The following SLC26A5 variants were observed in gnomAD, a reference collection of about 807,000 sequenced individuals.
SLC26A5 encodes the protein prestin.
SLC26A5 carries 51 observed loss-of-function variants against 81.0 expected under a neutral mutation model. The ratio of observed to expected loss-of-function variants is 0.63; its 90% confidence interval spans 0.50 to 0.80. The LOEUF (loss-of-function observed/expected upper bound fraction) is 0.80. Ranked by LOEUF, SLC26A5 falls within the 30% of genes least tolerant of loss-of-function variation. The pLI, the probability that SLC26A5 is intolerant of heterozygous loss-of-function variation, is 0.00. For synonymous variants in SLC26A5, 325 were observed against 332.8 expected (o/e 0.98, Z 0.25); for missense variants, 771 against 905.8 (o/e 0.85, Z 1.91).
chr7:103,421,303 A>G lies in SLC26A5; in HGVS notation c.152+60T>C, dbSNP rs1825327729. ...CAAACAGATTTTCTTTACACATTTG[A>G]CCTTGCGCCTCTCATAACTGAATGA... On this transcript the variant is annotated intron_variant, in intron 3 of 19. Coordinates refer to ENST00000306312, the MANE Select transcript of SLC26A5 (RefSeq NM_198999.3). 4 of 1,572,658 alleles carry G rather than the reference A, an allele frequency of 2.5e-6. No homozygotes were observed. The South Asian group carries it at 4.5e-5, about 18-fold the overall frequency.
chr7:103,389,407 A>C lies in SLC26A5; in HGVS notation c.1329T>G (p.Ile443Met). ...ACATTCCCTTCAGGTTGACAATCAC[A>C]ATGGCCGACAGCACAGCCTGAAACA... is the stretch of plus-strand genomic sequence containing the variant. ...ESLPQAVLSA[I>M]VIVNLKGMFM... The change falls in exon 13 of 20, where the codon ATT (isoleucine) becomes ATG (methionine). Residue 443 changes from isoleucine (I) to methionine (M), a missense_variant. By Grantham distance (10) the Ile-to-Met change is conservative. Transcript: ENST00000306312. The C allele has an allele frequency of 6.2e-7, 1 of 1,613,890 alleles. No homozygotes were observed. Among genetic ancestry groups the C allele is most frequent in the Non-Finnish European group, 8.5e-7 (1 of 1,179,846 alleles).
chr7:103,429,511 G>GA (rs1219998221), intron 2 of SLC26A5, among the ~76,000 whole-genome samples: 1 of 152,104 alleles, frequency 6.6e-6, no homozygotes, highest in East Asian at 1.9e-4. Context: ...TTAGAACCCA[G>GA]AAAAAACATA....
intron 19 of SLC26A5, chr7:103,362,081 A>G (rs771671019): frequency 1.2e-6 from 2 of 1,612,584 alleles, no homozygotes; most frequent in Non-Finnish European, 1.7e-6. Context: ...AGAAGGGATG[A>G]GAGTGGGGTA....
chr7:103,419,906 A>G (rs1213807470), intron 4 of SLC26A5, among the ~76,000 whole-genome samples: 2 of 152,072 alleles, frequency 1.3e-5, no homozygotes, highest in African/African-American at 2.4e-5. Context: ...TATAATTAAA[A>G]TTTTTATATG....
intron 8 of SLC26A5, among the ~76,000 whole-genome samples, chr7:103,406,181 A>T (rs1335782721): frequency 6.6e-6 from 1 of 151,996 alleles, no homozygotes; most frequent in African/African-American, 2.4e-5. Context: ...TTTCCAAGGG[A>T]GTGAATGGCT....
At chr7:103,408,061 A>G in intron 7 of SLC26A5, 58 bp from the exon 8 acceptor site, 1 of 1,595,866 alleles carries the variant, frequency 6.3e-7, no homozygotes, top group Non-Finnish European at 8.6e-7. Flanking sequence ...AGAGAGACAG[A>G]GACACTCTAG....
chr7:103,429,893 TTTTA>T (rs1310012130), intron 2 of SLC26A5, among the ~76,000 whole-genome samples: 2 of 152,240 alleles, frequency 1.3e-5, no homozygotes, highest in African/African-American at 2.4e-5. Flanking sequence ...TTCCCTCTTC[TTTTA>T]TATTAGGTTG....
Position 103,377,713 on chromosome 7 carries a change from T to C in SLC26A5, c.1872A>G (p.Thr624=). The part of the protein sequence containing the change: ...VKYPPIVIKS[T]FPEEMQRFMP... ...TAAATCTTTGCATTTCCTCAGGAAA[T>C]GTGCTTTTGATCACTATTGGGGGAT... is the stretch of plus-strand genomic sequence containing the variant. The change falls in exon 18 of 20, where the codon ACA becomes ACG. Residue 624 remains threonine, a synonymous_variant. Coordinates refer to ENST00000306312, the MANE Select transcript of SLC26A5 (RefSeq NM_198999.3). 3 of 1,614,174 alleles carry C rather than the reference T, an allele frequency of 1.9e-6. No homozygotes were observed. The highest frequency in any genetic ancestry group is 2.5e-6 in the Non-Finnish European group (3 of 1,180,030).
At chr7:103,361,650 A>C (rs1051847593) in intron 19 of SLC26A5, among the ~76,000 whole-genome samples, 1 of 152,160 alleles carries the variant, frequency 6.6e-6, no homozygotes, top group Non-Finnish European at 1.5e-5. Context: ...AGAGCAACTT[A>C]AGATATACAG....
At chr7:103,414,279 G>A (rs765868457) in intron 4 of SLC26A5, among the ~76,000 whole-genome samples, 43 of 149,952 alleles carry the variant, frequency 2.9e-4, no homozygotes, top group Admixed American at 1.5e-3. Flanking sequence ...ACAACCTCCC[G>A]GGCTCAAGCA....
intron 8 of SLC26A5, among the ~76,000 whole-genome samples, chr7:103,399,912 A>G (rs958628149): frequency 1.3e-5 from 2 of 152,038 alleles, no homozygotes; most frequent in Non-Finnish European, 2.9e-5. Context: ...ATCCTTTTTT[A>G]TGGCTGCATA....
At chr7:103,365,498 G>A (rs1374032771) in intron 19 of SLC26A5, among the ~76,000 whole-genome samples, 1 of 151,980 alleles carries the variant, frequency 6.6e-6, no homozygotes, top group Non-Finnish European at 1.5e-5. Context: ...GTGTGGTGGC[G>A]CATGTCTGTA....
At position 103,380,130 on chromosome 7, in the gene SLC26A5, T is replaced by C. The variant is rs528609374; in HGVS notation, c.1584+350A>G. ...GTGGGAGAATTCCACAGCCCCACCA[T>C]CTACATTTTACATGGTTAAAATTAT... On this transcript the variant is annotated intron_variant, in intron 15 of 19. Transcript: ENST00000306312. Among the ~76,000 whole-genome samples the C allele has an allele frequency of 5.3e-5, 8 of 152,264 alleles. No individual in the cohort carries two copies. In the South Asian group the frequency reaches 1.4e-3, roughly 28 times the overall value.
chr7:103,406,974 T>C (rs895522175), intron 8 of SLC26A5, among the ~76,000 whole-genome samples: 4 of 152,204 alleles, frequency 2.6e-5, no homozygotes, highest in African/African-American at 9.6e-5. Flanking sequence ...TTCTTATCCT[T>C]GCCGCTCCCA....
At chr7:103,420,676 A>C (rs1340605515) in intron 4 of SLC26A5, 62 bp downstream of exon 4, 52 of 1,597,538 alleles carry the variant, frequency 3.3e-5, no homozygotes, top group Non-Finnish European at 4.4e-5. Context: ...TGATGAAATA[A>C]ACAGAAGGTC....
At chr7:103,404,560 T>C (rs1823873984) in intron 8 of SLC26A5, among the ~76,000 whole-genome samples, 1 of 152,370 alleles carries the variant, frequency 6.6e-6, no homozygotes, top group East Asian at 1.9e-4. Context: ...GCTATTAGTC[T>C]GATGGGGTTC....
Position 103,380,529 on chromosome 7 carries a change from C to T in SLC26A5, c.1535G>A (p.Gly512Glu), listed in dbSNP as rs762612994. 1.2e-6 allele frequency: 2 copies of T among 1,613,610 alleles called. No homozygotes were observed. The highest frequency in any genetic ancestry group is 1.7e-6 in the Non-Finnish European group (2 of 1,179,760). ...RTQSPSYKVL[G>E]KLPETDVYID... ...ATACACATCAGTTTCAGGAAGCTTTCCAAGGACTTTGTAGCTTGGACTGAA... is the reference window on the plus strand; with the variant it reads ...ATACACATCAGTTTCAGGAAGCTTTTCAAGGACTTTGTAGCTTGGACTGAA... Residue 512 changes from glycine to glutamate, a missense_variant, in exon 15 of 20, where the codon GGA (glycine) becomes GAA (glutamate). Coordinates refer to ENST00000306312, the MANE Select transcript of SLC26A5 (RefSeq NM_198999.3).
intron 1 of SLC26A5, among the ~76,000 whole-genome samples, chr7:103,444,873 T>C (rs1196871549): frequency 6.6e-6 from 1 of 152,160 alleles, no homozygotes; most frequent in East Asian, 1.9e-4. Flanking sequence ...TGCCTGAAAG[T>C]CTTCTGATAC....
At chr7:103,397,202 T>A (rs1823184447) in intron 9 of SLC26A5, among the ~76,000 whole-genome samples, 2 of 149,408 alleles carry the variant, frequency 1.3e-5, no homozygotes, top group African/African-American at 4.9e-5. Flanking sequence ...AGGTCAGGAG[T>A]TTGAGACCAG....
Sources: allele counts gnomAD v4.1 joint callset (sites outside exome capture counted in the v4.1 genomes callset), GRCh38; gene constraint gnomAD v4.1.1; transcripts MANE v1.5; gene names NCBI Gene and HGNC (gene_info 2026-07-23, HGNC 2026-07-21).